SLBP: variants seen among roughly 807,000 people sequenced by gnomAD.
The protein encoded by SLBP is histone RNA hairpin-binding protein.
Under a neutral mutation model 39.2 loss-of-function variants are expected in SLBP, and 29 were observed. The ratio of observed to expected loss-of-function variants is 0.74; its 90% CI spans 0.55 to 1.01. The LOEUF (loss-of-function observed/expected upper bound fraction) is 1.01. Among genes scored for constraint, SLBP ranks in the 50% least tolerant of loss-of-function variants. SLBP has a pLI of 0.00. For missense variants in SLBP, 390 were observed against 350.2 expected, an observed-to-expected ratio of 1.11 and a Z score of -0.91; for synonymous variants, 129 against 118.7, an observed-to-expected ratio of 1.09 and a Z score of -0.57.
chr4:1,700,566 C>T lies in SLBP; in HGVS notation c.282-496G>A, dbSNP rs77982672. The stretch of plus-strand genomic sequence containing the variant: ...TTGAGCTCCAAGTTCATGTGAGTAT[C>T]TTTTTTTTTTTGAGATGGGGTCTCA... On this transcript the variant is annotated intron_variant, in intron 3 of 7. Transcript: ENST00000489418. Among the ~76,000 whole-genome samples, 3 of 148,736 alleles carry T rather than the reference C, an allele frequency of 2.0e-5. No individual in the cohort carries two copies. The East Asian group carries it at 5.9e-4, about 29-fold the overall frequency.
chr4:1,712,289 C>A lies in SLBP; in HGVS notation c.-101G>T. The A allele has an allele frequency of 2.9e-6, 2 of 687,044 alleles. No individual in the cohort carries two copies. Among genetic ancestry groups the A allele is most frequent in the Non-Finnish European group, 4.2e-6 (2 of 476,354 alleles). The allele number at this position is 687,044 out of a possible 1,614,324, so 42.6% of individuals were successfully genotyped here. A position where few individuals can be genotyped will look rare whatever the true frequency, so the allele number is the denominator to read the frequency against. On this transcript the variant is annotated 5_prime_UTR_variant, in exon 1 of 8. Transcript: ENST00000489418. Reference sequence around the variant, plus strand: ...GCAGGGCAGGGCCTGAGGCAGAAACCCGCGTCCCCGCGCCGGCGCTCACGA... The same window carrying A: ...GCAGGGCAGGGCCTGAGGCAGAAACACGCGTCCCCGCGCCGGCGCTCACGA...
At chr4:1,705,694 G>A (rs1171004194) in intron 2 of SLBP, among the ~76,000 whole-genome samples, 1 of 152,206 alleles carries the variant, frequency 6.6e-6, no homozygotes, top group Non-Finnish European at 1.5e-5. Flanking sequence ...TGTCCACTCT[G>A]CAAATGGTCC....
At chr4:1,708,671 A>G (rs947661676) in intron 2 of SLBP, among the ~76,000 whole-genome samples, 2 of 152,218 alleles carry the variant, frequency 1.3e-5, no homozygotes, top group Non-Finnish European at 1.5e-5. Context: ...CTTTAAGTCC[A>G]TTTCTTAGAT....
rs767958380 is a variant in SLBP at position 1,699,673 on chromosome 4, C to G, written c.370G>C (p.Val124Leu). Residue 124 changes from valine to leucine, a missense_variant, in exon 5 of 8, where the codon GTG becomes CTG. By Grantham distance (32) the Val-to-Leu change is conservative. Transcript: ENST00000489418. ...TCATCTGTCTCAAAGTCAGCCGGCA[C>G]AGTAGACATAGACTCCTTTGAATCA... ...SSDSKESMST[V>L]PADFETDESV... 1.9e-5 allele frequency: 31 copies of G among 1,613,784 alleles called. No individual in the cohort carries two copies. The highest frequency in any genetic ancestry group is 2.5e-5 in the Non-Finnish European group (30 of 1,179,746).
intron 5 of SLBP, among the ~76,000 whole-genome samples, chr4:1,697,708 G>C (rs1345551943): frequency 1.3e-5 from 2 of 151,794 alleles, no homozygotes; most frequent in African/African-American, 4.8e-5. Context: ...CCCAGGCATG[G>C]TGGCGCATGC....
At chr4:1,704,629 C>A (rs1026224092) in intron 2 of SLBP, among the ~76,000 whole-genome samples, 9 of 152,144 alleles carry the variant, frequency 5.9e-5, no homozygotes, top group African/African-American at 2.2e-4. Context: ...CTTCCAGCAA[C>A]CTCGTGCTTC....
chr4:1,700,073 G>A lies in SLBP; in HGVS notation c.282-3C>T, dbSNP rs1324338648. ...TGATGAGGAGTTTCCTTTTATATCT[G>A]AGGGCAAAATAAATATTGCTGTTTT... On this transcript the variant is annotated splice_region_variant and splice_polypyrimidine_tract_variant and intron_variant, in intron 3 of 7. Coordinates refer to ENST00000489418, the MANE Select transcript of SLBP (RefSeq NM_006527.4). 9 of 1,583,322 alleles carry A rather than the reference G, an allele frequency of 5.7e-6. No homozygotes were observed. Among genetic ancestry groups the A allele is most frequent in the African/African-American group, 1.4e-5 (1 of 73,846 alleles).
At chr4:1,711,852 G>A (rs1275416654) in intron 2 of SLBP, 22 bp downstream of exon 2, 1 of 1,258,798 alleles carries the variant, frequency 7.9e-7, no homozygotes, top group Non-Finnish European at 1.0e-6. Context: ...ACCGCGCCCC[G>A]ACCCCCGGGT....
At chr4:1,710,676 C>T (rs1474357059) in intron 2 of SLBP, among the ~76,000 whole-genome samples, 1 of 151,912 alleles carries the variant, frequency 6.6e-6, no homozygotes. Flanking sequence ...CTCAGTAAGT[C>T]GCCACTTAAA....
At position 1,699,602 on chromosome 4, in the gene SLBP, G is replaced by T; in HGVS notation, c.441C>A (p.Asn147Lys). ...TAATATAACGATCGTAGGCAATTGT[G>T]TTCTTCCCATAGTTGATCTGCTTCT... Reference protein sequence around the residue: ...RRQKQINYGKNTIAYDRYIKE... With the variant: ...RRQKQINYGKKTIAYDRYIKE... The change falls in exon 5 of 8, where the codon AAC (asparagine) becomes AAA (lysine). Residue 147 changes from asparagine (N) to lysine (K), a missense_variant. Transcript: ENST00000489418. 6.2e-7 allele frequency: 1 copy of T among 1,613,800 alleles called. No individual in the cohort carries two copies. Among genetic ancestry groups the T allele is most frequent in the Non-Finnish European group, 8.5e-7 (1 of 1,179,732 alleles).
At chr4:1,699,946 A>T in intron 4 of SLBP, 65 bp downstream of exon 4, 25 of 937,666 alleles carry the variant, frequency 2.7e-5, no homozygotes, top group South Asian at 3.5e-5. Flanking sequence ...GACAGTCACA[A>T]TTTTTTTTTT....
At chr4:1,694,714 A>G in intron 7 of SLBP, 60 bp downstream of exon 7, 1 of 1,187,144 alleles carries the variant, frequency 8.4e-7, no homozygotes, top group Non-Finnish European at 1.3e-6. Flanking sequence ...ATAAGGCAGC[A>G]TGTGTTATTA....
In SLBP at chr4:1,699,669, G is replaced by C; in HGVS notation, c.374C>G (p.Pro125Arg). Residue 125 changes from proline (P) to arginine (R), a missense_variant, in exon 5 of 8, where the codon CCG (proline) becomes CGG (arginine). Coordinates refer to ENST00000489418, the MANE Select transcript of SLBP (RefSeq NM_006527.4). Reference protein sequence around the residue: ...SDSKESMSTVPADFETDESVL... With the variant: ...SDSKESMSTVRADFETDESVL... ...ACTTTCATCTGTCTCAAAGTCAGCC[G>C]GCACAGTAGACATAGACTCCTTTGA... 6.2e-7 allele frequency: 1 copy of C among 1,613,528 alleles called. No homozygotes were observed. The highest frequency in any genetic ancestry group is 8.5e-7 in the Non-Finnish European group (1 of 1,179,586).
chr4:1,704,325 G>A lies in SLBP; in HGVS notation c.177-625C>T, dbSNP rs180959941. ...TCAGCTTCAGTTCTGGCATTTCTAT[G>A]GGTTAACCTTATCTCATTGATCCAA... On this transcript the variant is annotated intron_variant, in intron 2 of 7. Transcript: ENST00000489418. Among the ~76,000 whole-genome samples, 74 of 152,238 alleles carry A rather than the reference G, an allele frequency of 4.9e-4. No individual in the cohort carries two copies. The East Asian group carries it at 0.014, about 29-fold the overall frequency.
intron 7 of SLBP, among the ~76,000 whole-genome samples, chr4:1,694,210 G>C (rs866798322): frequency 1.3e-5 from 2 of 152,126 alleles, no homozygotes; most frequent in Admixed American, 6.6e-5. Context: ...AGCCTCCTGA[G>C]TAGCTGGGAT....
intron 3 of SLBP, among the ~76,000 whole-genome samples, chr4:1,701,335 C>T (rs1342461546): frequency 2.0e-5 from 3 of 151,756 alleles, no homozygotes; most frequent in South Asian, 2.1e-4. Flanking sequence ...TTAGTAGAGA[C>T]GGGGTTTCTC....
At chr4:1,710,583 A>T (rs983580768) in intron 2 of SLBP, among the ~76,000 whole-genome samples, 1 of 152,242 alleles carries the variant, frequency 6.6e-6, no homozygotes, top group Admixed American at 6.5e-5. Context: ...TAAAAGAGAA[A>T]AGTAGGTTGA....
At chr4:1,696,553 A>G (rs949227546) in intron 5 of SLBP, among the ~76,000 whole-genome samples, 2 of 152,084 alleles carry the variant, frequency 1.3e-5, no homozygotes, top group Admixed American at 6.6e-5. Flanking sequence ...TGGCCTGGGC[A>G]ACACAGTGAG....
chr4:1,706,870 C>T (rs2108663605), intron 2 of SLBP, among the ~76,000 whole-genome samples: 1 of 152,064 alleles, frequency 6.6e-6, no homozygotes, highest in South Asian at 2.1e-4. Flanking sequence ...TGGTGGCTCA[C>T]ACCTGTAATC....
Sources: allele counts gnomAD v4.1 joint callset (sites outside exome capture counted in the v4.1 genomes callset), GRCh38; gene constraint gnomAD v4.1.1; transcripts MANE v1.5; gene names NCBI Gene and HGNC (gene_info 2026-07-23, HGNC 2026-07-21).